Variants in CACNA2D1 observed in about 807,000 individuals in gnomAD.
CACNA2D1 encodes voltage-dependent calcium channel subunit alpha-2/delta-1.
In CACNA2D1, 53 loss-of-function variants were observed where a neutral mutation model predicts 171.5. That is an observed-to-expected ratio of 0.31 (90% CI 0.25 to 0.39). The LOEUF (loss-of-function observed/expected upper bound fraction) is 0.39, where lower values mean the gene tolerates loss of function less well. Ranked by LOEUF, CACNA2D1 falls within the 10% of genes least tolerant of loss-of-function variation. The pLI, the probability that CACNA2D1 is intolerant of heterozygous loss-of-function variation, is 1.00. For synonymous variants in CACNA2D1, 442 were observed against 443.1 expected (o/e 1.00, Z 0.03); for missense variants, 903 against 1,299.8 (o/e 0.69, Z 4.69).
At chr7:82,226,931 T>C (rs1022313202) in intron 3 of CACNA2D1, among the ~76,000 whole-genome samples, 7 of 152,186 alleles carry the variant, frequency 4.6e-5, no homozygotes, top group Admixed American at 1.3e-4. Flanking sequence ...CTTTGCCTTA[T>C]ATAAAATACA....
intron 3 of CACNA2D1, among the ~76,000 whole-genome samples, chr7:82,187,694 T>C (rs1797905580): frequency 1.3e-5 from 2 of 152,198 alleles, no homozygotes; most frequent in Admixed American, 6.5e-5. Flanking sequence ...ATTCATCACC[T>C]ACTTTCTATA....
At chr7:82,028,575 T>A (rs181933338) in intron 12 of CACNA2D1, 1 of 151,932 alleles carries the variant, frequency 6.6e-6, no homozygotes, top group Non-Finnish European at 1.5e-5. Context: ...ACTGAAAACC[T>A]TCTAGAAAGA....
At position 82,385,668 on chromosome 7, in the gene CACNA2D1, TTG is replaced by T. The variant is rs1328423380; in HGVS notation, c.96-36021_96-36020del. Among the ~76,000 whole-genome samples the T allele has an allele frequency of 5.1e-5, 7 of 137,700 alleles. No homozygotes were observed. The Middle Eastern group carries it at 0.011, about 208-fold the overall frequency. The allele number at this position is 137,700 out of a possible 152,430, so 90.3% of individuals were successfully genotyped here. A position where few individuals can be genotyped will look rare whatever the true frequency, so the allele number is the denominator to read the frequency against. ...TTTGGTTGTTTTGTTTTGTTTTGTT[TTG>T]TTTTGTTTTTTTGAGACAGAATCTC... On this transcript the variant is annotated intron_variant, in intron 1 of 38. Transcript: ENST00000356860.
chr7:81,963,603 A>G (rs1352943863), intron 34 of CACNA2D1, among the ~76,000 whole-genome samples: 1 of 151,952 alleles, frequency 6.6e-6, no homozygotes, highest in East Asian at 1.9e-4. Flanking sequence ...ATGCCCCTAA[A>G]ACAATACTAG....
intron 3 of CACNA2D1, among the ~76,000 whole-genome samples, chr7:82,173,278 AT>A (rs1442029292): frequency 6.6e-6 from 1 of 152,094 alleles, no homozygotes; most frequent in Non-Finnish European, 1.5e-5. Context: ...ATTTATATGT[AT>A]TTTGAACACT....
rs1562903785 is a variant in CACNA2D1, at chr7:82,037,145, A to T, written c.1038+932T>A. The stretch of plus-strand genomic sequence containing the variant: ...TTTTAAGTAACTCAAAGTGAAATAG[A>T]GGGCAAGGCAATTTAAAAACACTAG... On this transcript the variant is annotated intron_variant, in intron 11 of 38. Transcript: ENST00000356860. Among the ~76,000 whole-genome samples the T allele has an allele frequency of 2.0e-5, 3 of 152,322 alleles. No individual in the cohort carries two copies. The South Asian group carries it at 6.2e-4, about 32-fold the overall frequency.
chr7:82,194,867 T>C (rs1420365258), intron 3 of CACNA2D1, among the ~76,000 whole-genome samples: 1 of 151,876 alleles, frequency 6.6e-6, no homozygotes, highest in East Asian at 1.9e-4. Context: ...GTAAGCAGTA[T>C]TGTACTTTCA....
intron 3 of CACNA2D1, among the ~76,000 whole-genome samples, chr7:82,242,941 T>C (rs1453970601): frequency 6.6e-6 from 1 of 152,156 alleles, no homozygotes; most frequent in Non-Finnish European, 1.5e-5. Context: ...ATAATCATTG[T>C]ACCATGAAAG....
chr7:82,418,309 T>C (rs974048979), intron 1 of CACNA2D1, among the ~76,000 whole-genome samples: 1 of 152,132 alleles, frequency 6.6e-6, no homozygotes, highest in African/African-American at 2.4e-5. Context: ...ATGGGGATTA[T>C]GGGAACTACA....
Position 82,085,536 on chromosome 7 carries a change from GA to G in CACNA2D1, c.527-637del, listed in dbSNP as rs144326382. On this transcript the variant is annotated intron_variant, in intron 6 of 38. Transcript: ENST00000356860. ...CCTGCTACCTTAAAAAAAAAAAAAA[GA>G]AAAAAAGTCATTGGGCATAGCTAAT... 1.8e-4 allele frequency among the ~76,000 whole-genome samples: 27 copies of G among 146,534 alleles called. No individual in the cohort carries two copies. In the South Asian group the frequency reaches 2.6e-3, roughly 14 times the overall value.
rs4019047 is a variant in CACNA2D1 at position 82,012,254 on chromosome 7, G to GAAAA, written c.1273-15_1273-12dup. 0.17 allele frequency: 205,009 copies of GAAAA among 1,173,274 alleles called. 6,970 individuals are homozygous for GAAAA. Among genetic ancestry groups the GAAAA allele is most frequent in the Middle Eastern group, 0.27 (1,265 of 4,722 alleles). The allele number at this position is 1,173,274 out of a possible 1,614,324, so 72.7% of individuals were successfully genotyped here. On this transcript the variant is annotated splice_polypyrimidine_tract_variant and intron_variant, in intron 14 of 38. Transcript: ENST00000356860. ...AACATCCAAATATTCCTGTTTATGG[G>GAAAA]AAAAAAAAAAAAAGTCGTGGTTAAA...
intron 3 of CACNA2D1, among the ~76,000 whole-genome samples, chr7:82,258,227 A>G (rs560533910): frequency 6.6e-6 from 1 of 152,090 alleles, no homozygotes; most frequent in Non-Finnish European, 1.5e-5. Flanking sequence ...TGTGCTCACA[A>G]TGCCTTTTAT....
intron 3 of CACNA2D1, among the ~76,000 whole-genome samples, chr7:82,228,753 T>C (rs975805920): frequency 6.6e-6 from 1 of 151,894 alleles, no homozygotes; most frequent in Admixed American, 6.6e-5. Flanking sequence ...CTGCAAACGT[T>C]TTATTATTAT....
chr7:82,034,736 A>G (rs1305744754), intron 11 of CACNA2D1, among the ~76,000 whole-genome samples: 1 of 152,042 alleles, frequency 6.6e-6, no homozygotes, highest in African/African-American at 2.4e-5. Flanking sequence ...ACCATAGGAC[A>G]TGGTTTTGTT....
chr7:82,408,273 C>T (rs1827276310), intron 1 of CACNA2D1, among the ~76,000 whole-genome samples: 1 of 151,968 alleles, frequency 6.6e-6, no homozygotes, highest in African/African-American at 2.4e-5. Flanking sequence ...TCTGCCATCT[C>T]GGCCTCCCAA....
chr7:82,097,707 T>A (rs1255622102), intron 6 of CACNA2D1, among the ~76,000 whole-genome samples: 2 of 152,086 alleles, frequency 1.3e-5, no homozygotes, highest in Non-Finnish European at 2.9e-5. Context: ...AGCCATGAAG[T>A]GTATAAGGAA....
chr7:82,097,190 C>T (rs542080385), intron 6 of CACNA2D1, among the ~76,000 whole-genome samples: 61 of 152,170 alleles, frequency 4.0e-4, no homozygotes, highest in African/African-American at 1.5e-3. Flanking sequence ...TTGTTCAAAA[C>T]AGCTGAATGG....
At chr7:82,152,998 C>T (rs1794013367) in intron 4 of CACNA2D1, among the ~76,000 whole-genome samples, 1 of 150,962 alleles carries the variant, frequency 6.6e-6, no homozygotes, top group Middle Eastern at 3.2e-3. Flanking sequence ...TCTGCCATCC[C>T]ACTGATCACC....
rs1011431558 is a variant in CACNA2D1 at position 82,037,572 on chromosome 7, A to C, written c.1038+505T>G. Among the ~76,000 whole-genome samples, 6 of 152,060 alleles carry C rather than the reference A, an allele frequency of 3.9e-5. 1 individual carries two copies. Among genetic ancestry groups the C allele is most frequent in the Admixed American group, 3.3e-4 (5 of 15,262 alleles). ...TGATGAGTGATTGTGGGGAATCCTC[A>C]CTCAGAAAGAATTCCTGCTCCGGGA... On this transcript the variant is annotated intron_variant, in intron 11 of 38. Coordinates refer to ENST00000356860, the MANE Select transcript of CACNA2D1 (RefSeq NM_000722.4).
Sources: gnomAD v4.1 joint callset for allele counts (sites outside exome capture counted in the v4.1 genomes callset) on GRCh38, gnomAD v4.1.1 for gene constraint, MANE v1.5 for transcripts, NCBI Gene and HGNC (gene_info 2026-07-23, HGNC 2026-07-21) for gene names.